Variants in HS3ST3A1 observed in about 807,000 individuals in gnomAD.
HS3ST3A1 encodes the protein heparan sulfate glucosamine 3-O-sulfotransferase 3A1.
Under a neutral mutation model 25.7 loss-of-function variants are expected in HS3ST3A1, and 19 were observed. That is an observed-to-expected ratio of 0.74 (90% CI 0.52 to 1.08). The LOEUF (loss-of-function observed/expected upper bound fraction) is 1.08. HS3ST3A1 is among the 50% of genes least tolerant of loss of function. HS3ST3A1 has a pLI of 0.00. For missense variants in HS3ST3A1, 459 were observed against 594.3 expected (o/e 0.77, Z 2.37); for synonymous variants, 226 against 278.6 (o/e 0.81, Z 1.88).
At chr17:13,531,532 C>T (rs925309146) in intron 1 of HS3ST3A1, among the ~76,000 whole-genome samples, 2 of 151,988 alleles carry the variant, frequency 1.3e-5, no homozygotes, top group Non-Finnish European at 2.9e-5. Context: ...TGTTCATTCT[C>T]CTTCCCCACC....
chr17:13,514,133 T>C (rs900288581), intron 1 of HS3ST3A1, among the ~76,000 whole-genome samples: 1 of 152,068 alleles, frequency 6.6e-6, no homozygotes, highest in Non-Finnish European at 1.5e-5. Flanking sequence ...TTTTTTCTAA[T>C]GGGATTTTTT....
intron 1 of HS3ST3A1, among the ~76,000 whole-genome samples, chr17:13,526,318 T>C (rs1906415318): frequency 6.6e-6 from 1 of 151,734 alleles, no homozygotes; most frequent in African/African-American, 2.4e-5. Context: ...ATGAGCTCTT[T>C]AGTAGGTAGA....
chr17:13,516,072 A>G (rs1344573364), intron 1 of HS3ST3A1, among the ~76,000 whole-genome samples: 1 of 152,168 alleles, frequency 6.6e-6, no homozygotes, highest in Non-Finnish European at 1.5e-5. Flanking sequence ...GCAGTTTGGA[A>G]GGCCGAAGCG....
In HS3ST3A1 at chr17:13,496,073, T is replaced by C. The variant is rs1003016898; in HGVS notation, c.*124A>G. 4 of 1,213,410 alleles carry C rather than the reference T, an allele frequency of 3.3e-6. No individual in the cohort carries two copies. The African/African-American group carries it at 6.1e-5, about 19-fold the overall frequency. 75.2% of individuals were successfully genotyped at this position (1,213,410 alleles called of 1,614,324 possible). On this transcript the variant is annotated 3_prime_UTR_variant, in exon 2 of 2. Coordinates refer to ENST00000284110, the MANE Select transcript of HS3ST3A1 (RefSeq NM_006042.3). ...ATGGGGCGGGAGTGAGAACAATCTC[T>C]TAACATTCATTGAAAAAAATACTGA...
At chr17:13,505,256 G>A (rs530744262) in intron 1 of HS3ST3A1, among the ~76,000 whole-genome samples, 3 of 152,154 alleles carry the variant, frequency 2.0e-5, no homozygotes, top group Non-Finnish European at 2.9e-5. Flanking sequence ...ATTCGACAGA[G>A]GGAAAACATG....
Position 13,575,779 on chromosome 17 carries a change from T to A in HS3ST3A1, c.599+24752A>T, listed in dbSNP as rs149760513. Among the ~76,000 whole-genome samples, 558 of 152,348 alleles carry A rather than the reference T, an allele frequency of 3.7e-3. 2 individuals are homozygous for A. In the Middle Eastern group the frequency reaches 0.044, roughly 12 times the overall value. ...AAATAACCATTGTAAGTATTAACTG[T>A]CGTTCCCATCAATGCTGGGAAGCAG... On this transcript the variant is annotated intron_variant, in intron 1 of 1. Coordinates refer to ENST00000284110, the MANE Select transcript of HS3ST3A1 (RefSeq NM_006042.3).
intron 1 of HS3ST3A1, among the ~76,000 whole-genome samples, chr17:13,578,143 T>C (rs984239648): frequency 1.3e-5 from 2 of 152,126 alleles, no homozygotes; most frequent in African/African-American, 4.8e-5. Flanking sequence ...TAGTGAAATA[T>C]TGGAATCAAG....
intron 1 of HS3ST3A1, among the ~76,000 whole-genome samples, chr17:13,577,670 A>G (rs1567628139): frequency 6.6e-6 from 1 of 152,234 alleles, no homozygotes; most frequent in Non-Finnish European, 1.5e-5. Context: ...TAGAAGATGA[A>G]AAAAACTCAG....
At chr17:13,526,229 C>A (rs146686066) in intron 1 of HS3ST3A1, among the ~76,000 whole-genome samples, 63 of 152,010 alleles carry the variant, frequency 4.1e-4, no homozygotes, top group African/African-American at 1.3e-3. Flanking sequence ...AACAAGCTTT[C>A]CTTCAGAGGC....
chr17:13,582,860 A>G (rs962073139), intron 1 of HS3ST3A1, among the ~76,000 whole-genome samples: 8 of 152,214 alleles, frequency 5.3e-5, no homozygotes, highest in African/African-American at 1.7e-4. Context: ...GCAAAGATTC[A>G]CATTTGCTCT....
At chr17:13,515,693 T>A (rs1165684677) in intron 1 of HS3ST3A1, among the ~76,000 whole-genome samples, 1 of 152,162 alleles carries the variant, frequency 6.6e-6, no homozygotes. Context: ...AACAAGTATA[T>A]GTGTAACTTT....
intron 1 of HS3ST3A1, among the ~76,000 whole-genome samples, chr17:13,507,426 T>G (rs1905720890): frequency 6.6e-6 from 1 of 152,210 alleles, no homozygotes; most frequent in South Asian, 2.1e-4. Flanking sequence ...AAGTGCATAT[T>G]CTTTCAACCT....
In HS3ST3A1 at chr17:13,494,632, G is replaced by T. The variant is rs971198890; in HGVS notation, c.*1565C>A. ...AAATAGAAGACATTTTTCCTCTTGGGTTTAAATTTCTAATAAAATGTTGCT... is the reference window on the plus strand; with the variant it reads ...AAATAGAAGACATTTTTCCTCTTGGTTTTAAATTTCTAATAAAATGTTGCT... On this transcript the variant is annotated 3_prime_UTR_variant, in exon 2 of 2. Coordinates refer to ENST00000284110, the MANE Select transcript of HS3ST3A1 (RefSeq NM_006042.3). Among the ~76,000 whole-genome samples the T allele has an allele frequency of 6.6e-6, 1 of 152,046 alleles. No individual in the cohort carries two copies. Among genetic ancestry groups the T allele is most frequent in the Non-Finnish European group, 1.5e-5 (1 of 68,000 alleles).
At chr17:13,542,292 G>T (rs1000005956) in intron 1 of HS3ST3A1, among the ~76,000 whole-genome samples, 3 of 147,424 alleles carry the variant, frequency 2.0e-5, no homozygotes, top group African/African-American at 7.6e-5. Context: ...TTGCGCCACT[G>T]CCCTCCAGCC....
At chr17:13,502,918 C>T (rs554308753) in intron 1 of HS3ST3A1, among the ~76,000 whole-genome samples, 2 of 150,660 alleles carry the variant, frequency 1.3e-5, no homozygotes, top group African/African-American at 2.4e-5. Context: ...TGGTGGCTCA[C>T]GCCTATAATC....
chr17:13,598,046 T>C (rs1475433956), intron 1 of HS3ST3A1, among the ~76,000 whole-genome samples: 1 of 152,224 alleles, frequency 6.6e-6, no homozygotes, highest in Non-Finnish European at 1.5e-5. Flanking sequence ...ATATAGGTTT[T>C]TCTCTTCCAT....
intron 1 of HS3ST3A1, among the ~76,000 whole-genome samples, chr17:13,507,086 AC>A (rs137977338): frequency 0.042 from 6,231 of 149,022 alleles, 267 homozygotes; most frequent in African/African-American, 0.11. Context: ...AAAAAAAAAA[AC>A]AAAAAAAGAT....
At chr17:13,559,620 T>A (rs1907474179) in intron 1 of HS3ST3A1, among the ~76,000 whole-genome samples, 1 of 150,520 alleles carries the variant, frequency 6.6e-6, no homozygotes, top group Non-Finnish European at 1.5e-5. Flanking sequence ...GGCTAATTTA[T>A]TTATTATTAA....
At chr17:13,551,363 A>G (rs1159351879) in intron 1 of HS3ST3A1, among the ~76,000 whole-genome samples, 2 of 48,774 alleles carry the variant, frequency 4.1e-5, no homozygotes, top group Admixed American at 2.6e-4. Context: ...ATAAATAAAT[A>G]AATAAATAAA....
Sources: gnomAD v4.1 joint callset for allele counts (sites outside exome capture counted in the v4.1 genomes callset) on GRCh38, gnomAD v4.1.1 for gene constraint, MANE v1.5 for transcripts, NCBI Gene and HGNC (gene_info 2026-07-23, HGNC 2026-07-21) for gene names.